The following GPC6 variants were observed in gnomAD, a reference collection of about 807,000 sequenced individuals.
GPC6 encodes the protein glypican 6.
GPC6 carries 14 observed loss-of-function variants against 55.2 expected under a neutral mutation model. The observed-to-expected ratio is 0.25, with a 90% CI of 0.17 to 0.40. The LOEUF is 0.40. Ranked by LOEUF, GPC6 falls within the 10% of genes least tolerant of loss-of-function variation. The pLI is 1.00. For synonymous variants in GPC6, 278 were observed against 259.6 expected (o/e 1.07, Z -0.68); for missense variants, 641 against 708.5 (o/e 0.90, Z 1.08).
At chr13:93,922,696 A>G (rs893172266) in intron 3 of GPC6, among the ~76,000 whole-genome samples, 13 of 152,226 alleles carry the variant, frequency 8.5e-5, no homozygotes, top group Middle Eastern at 6.3e-3. Context: ...TAAAATGCAT[A>G]TAATTTTTGT....
At chr13:93,999,717 T>C (rs1426120788) in intron 3 of GPC6, among the ~76,000 whole-genome samples, 1 of 152,172 alleles carries the variant, frequency 6.6e-6, no homozygotes, top group African/African-American at 2.4e-5. Flanking sequence ...ATATCTTGGC[T>C]ATTGCAAATA....
At chr13:94,199,209 A>G (rs1889677136) in intron 4 of GPC6, among the ~76,000 whole-genome samples, 1 of 152,234 alleles carries the variant, frequency 6.6e-6, no homozygotes, top group Non-Finnish European at 1.5e-5. Flanking sequence ...AATCTGCCTT[A>G]TCTTTCCTTC....
At chr13:94,131,126 C>T (rs948608126) in intron 4 of GPC6, among the ~76,000 whole-genome samples, 2 of 152,172 alleles carry the variant, frequency 1.3e-5, no homozygotes, top group African/African-American at 2.4e-5. Flanking sequence ...AGATTTACAA[C>T]ATAATTAAGA....
chr13:93,959,664 C>T (rs1879678545), intron 3 of GPC6, among the ~76,000 whole-genome samples: 1 of 152,070 alleles, frequency 6.6e-6, no homozygotes, highest in Non-Finnish European at 1.5e-5. Context: ...TGCTAACTCA[C>T]CTTAGTTGAG....
intron 1 of GPC6, among the ~76,000 whole-genome samples, chr13:93,457,590 C>T (rs1878503687): frequency 1.3e-5 from 2 of 152,148 alleles, no homozygotes; most frequent in African/African-American, 4.8e-5. Flanking sequence ...GTAGCATCTG[C>T]TTCCATGATC....
At chr13:93,336,986 C>A (rs1880069354) in intron 1 of GPC6, among the ~76,000 whole-genome samples, 1 of 152,188 alleles carries the variant, frequency 6.6e-6, no homozygotes, top group South Asian at 2.1e-4. Context: ...CCGTATTTAA[C>A]ATGTTAACTT....
intron 2 of GPC6, among the ~76,000 whole-genome samples, chr13:93,556,388 G>A (rs865971681): frequency 7.7e-5 from 10 of 129,810 alleles, no homozygotes; most frequent in Admixed American, 2.5e-4. Context: ...GTGTGTGTGT[G>A]TGTGTGTATG....
chr13:93,586,361 T>C (rs1306689491), intron 2 of GPC6, among the ~76,000 whole-genome samples: 2 of 152,206 alleles, frequency 1.3e-5, no homozygotes, highest in Non-Finnish European at 2.9e-5. Flanking sequence ...CAGTCTATCA[T>C]TGATGGGCAT....
intron 6 of GPC6, among the ~76,000 whole-genome samples, chr13:94,307,744 T>A (rs9589949): frequency 0.056 from 8,476 of 152,308 alleles, 456 homozygotes; most frequent in East Asian, 0.19. Flanking sequence ...TTCATTAGAT[T>A]ATATTGTTTA....
intron 3 of GPC6, among the ~76,000 whole-genome samples, chr13:93,861,770 C>T (rs1888820410): frequency 6.6e-6 from 1 of 151,684 alleles, no homozygotes; most frequent in Non-Finnish European, 1.5e-5. Flanking sequence ...AAATCAGCCC[C>T]TTCCTGACTG....
intron 2 of GPC6, among the ~76,000 whole-genome samples, chr13:93,652,619 C>T (rs181136565): frequency 1.1e-4 from 17 of 152,272 alleles, no homozygotes; most frequent in Non-Finnish European, 2.9e-5. Context: ...CTTTAATTGT[C>T]TCCATCCATT....
chr13:94,283,153 C>T (rs545483252), intron 4 of GPC6, among the ~76,000 whole-genome samples: 1 of 152,232 alleles, frequency 6.6e-6, no homozygotes, highest in Non-Finnish European at 1.5e-5. Context: ...ACCAAAATAT[C>T]TTACAAATTG....
chr13:94,184,629 G>A (rs549351764), intron 4 of GPC6, among the ~76,000 whole-genome samples: 81 of 152,118 alleles, frequency 5.3e-4, no homozygotes, highest in Admixed American at 1.8e-3. Context: ...TTATTAAAAA[G>A]CCAAAAAACA....
intron 6 of GPC6, among the ~76,000 whole-genome samples, chr13:94,380,118 T>TG (rs1880092992): frequency 1.3e-5 from 2 of 152,180 alleles, no homozygotes. Flanking sequence ...TCTCAAAATC[T>TG]GTGTATCTGG....
intron 1 of GPC6, among the ~76,000 whole-genome samples, chr13:93,500,053 C>A (rs1372476712): frequency 2.6e-5 from 4 of 152,190 alleles, no homozygotes; most frequent in Non-Finnish European, 5.9e-5. Context: ...TACAGCACTT[C>A]CTGCTTGTCA....
At chr13:93,643,976 A>G (rs1047854452) in intron 2 of GPC6, among the ~76,000 whole-genome samples, 1 of 152,080 alleles carries the variant, frequency 6.6e-6, no homozygotes, top group Non-Finnish European at 1.5e-5. Context: ...CTGTCTTCAG[A>G]AAACAGGCAG....
At chr13:93,576,310 C>G (rs1566431692) in intron 2 of GPC6, among the ~76,000 whole-genome samples, 1 of 151,588 alleles carries the variant, frequency 6.6e-6, no homozygotes. Context: ...TAAAAGAAGA[C>G]AAAAAATTAT....
At chr13:93,995,100 C>CT (rs912789036) in intron 3 of GPC6, among the ~76,000 whole-genome samples, 8 of 152,122 alleles carry the variant, frequency 5.3e-5, no homozygotes, top group Non-Finnish European at 1.5e-5. Context: ...ATCATGGCCC[C>CT]TGCATACCTT....
chr13:94,265,832 G>C (rs2139055128), intron 4 of GPC6, among the ~76,000 whole-genome samples: 1 of 152,284 alleles, frequency 6.6e-6, no homozygotes, highest in East Asian at 1.9e-4. Context: ...ATTTGTATAA[G>C]TAAATGCCAT....
Sources: gnomAD v4.1 joint callset for allele counts (sites outside exome capture counted in the v4.1 genomes callset) on GRCh38, gnomAD v4.1.1 for gene constraint, MANE v1.5 for transcripts, NCBI Gene and HGNC (gene_info 2026-07-23, HGNC 2026-07-21) for gene names.